PCDHA1: variants seen among roughly 807,000 people sequenced by gnomAD.
The protein encoded by PCDHA1 is protocadherin alpha-1.
In PCDHA1, 42 loss-of-function variants were observed where a neutral mutation model predicts 61.3. That is an observed-to-expected ratio of 0.69 (90% CI 0.54 to 0.89). PCDHA1 has a LOEUF of 0.89. Among genes scored for constraint, PCDHA1 ranks in the 40% least tolerant of loss-of-function variants. The pLI is 0.00. For synonymous variants in PCDHA1, 610 were observed against 553.8 expected, an observed-to-expected ratio of 1.10 and a Z score of -1.43; for missense variants, 1,256 against 1,235.3, an observed-to-expected ratio of 1.02 and a Z score of -0.25.
At chr5:140,948,321 T>C (rs922752818) in intron 1 of PCDHA1, among the ~76,000 whole-genome samples, 7 of 151,748 alleles carry the variant, frequency 4.6e-5, no homozygotes, top group South Asian at 4.1e-4. Flanking sequence ...AGGGGTAATG[T>C]TTTCATTAGG....
At chr5:140,823,147 C>T in intron 1 of PCDHA1, 1 of 1,614,004 alleles carries the variant, frequency 6.2e-7, no homozygotes, top group Non-Finnish European at 8.5e-7. Flanking sequence ...CGCGCAGCCC[C>T]AGTATACCGT....
intron 1 of PCDHA1, chr5:140,824,256 C>T (rs1554129826): frequency 7.4e-7 from 1 of 1,360,360 alleles, no homozygotes; most frequent in Non-Finnish European, 1.0e-6. Context: ...ACAATTATTG[C>T]ACTAATTCAT....
At chr5:140,999,551 G>C (rs1189671768) in intron 3 of PCDHA1, among the ~76,000 whole-genome samples, 3 of 152,088 alleles carry the variant, frequency 2.0e-5, no homozygotes, top group East Asian at 1.9e-4. Context: ...CAATGAAGAG[G>C]GGGTATTTTG....
chr5:140,916,621 C>T (rs1031371866), intron 1 of PCDHA1, among the ~76,000 whole-genome samples: 8 of 152,200 alleles, frequency 5.3e-5, no homozygotes, highest in Non-Finnish European at 1.2e-4. Flanking sequence ...TGACTCTACT[C>T]AATGCCCTAT....
chr5:140,809,057 G>T, intron 1 of PCDHA1: 1 of 1,613,890 alleles, frequency 6.2e-7, no homozygotes, highest in Non-Finnish European at 8.5e-7. Flanking sequence ...CCCGTTCCGC[G>T]TGGGGCTGTA....
chr5:140,910,324 T>C (rs2074979860), intron 1 of PCDHA1, among the ~76,000 whole-genome samples: 3 of 152,220 alleles, frequency 2.0e-5, no homozygotes, highest in Non-Finnish European at 4.4e-5. Flanking sequence ...AGTCAGACTA[T>C]TGTGATTGCT....
intron 1 of PCDHA1, chr5:140,836,636 C>A (rs2150266431): frequency 5.6e-6 from 9 of 1,613,404 alleles, no homozygotes; most frequent in Admixed American, 3.3e-5. Context: ...GGTCATTCTC[C>A]CAGCAGAGGC....
intron 1 of PCDHA1, among the ~76,000 whole-genome samples, chr5:140,934,619 C>G (rs1403192448): frequency 1.3e-5 from 2 of 152,028 alleles, no homozygotes; most frequent in Non-Finnish European, 2.9e-5. Flanking sequence ...GCCTGAGGTA[C>G]AGTTCACACA....
chr5:140,994,962 T>C (rs2097657475), intron 3 of PCDHA1, among the ~76,000 whole-genome samples: 2 of 152,208 alleles, frequency 1.3e-5, no homozygotes, highest in Admixed American at 1.3e-4. Flanking sequence ...TGTAGTTTCA[T>C]TTGTTGGCCA....
intron 1 of PCDHA1, among the ~76,000 whole-genome samples, chr5:140,826,378 T>A (rs1768925032): frequency 6.6e-6 from 1 of 152,174 alleles, no homozygotes; most frequent in South Asian, 2.1e-4. Flanking sequence ...AGAAAGTCAG[T>A]GATAAGAACT....
At chr5:140,854,380 A>G (rs2043104788) in intron 1 of PCDHA1, 1 of 155,922 alleles carries the variant, frequency 6.4e-6, no homozygotes, top group African/African-American at 2.4e-5. Context: ...TACATAACTC[A>G]TTACATTTTA....
intron 1 of PCDHA1, chr5:140,854,192 T>C: frequency 3.9e-6 from 2 of 506,570 alleles, no homozygotes; most frequent in Non-Finnish European, 5.1e-6. Flanking sequence ...GTTTAACTAC[T>C]CCCTACTTTT....
At chr5:140,904,270 G>A (rs374052783) in intron 1 of PCDHA1, among the ~76,000 whole-genome samples, 3 of 152,068 alleles carry the variant, frequency 2.0e-5, no homozygotes, top group East Asian at 3.9e-4. Context: ...ACTTATGAAT[G>A]AGAACATGTG....
intron 1 of PCDHA1, among the ~76,000 whole-genome samples, chr5:140,900,317 G>A (rs188830675): frequency 3.3e-4 from 50 of 151,512 alleles, no homozygotes; most frequent in Non-Finnish European, 6.2e-4. Context: ...CACTTTTGTC[G>A]CCCAGGCTGG....
intron 1 of PCDHA1, among the ~76,000 whole-genome samples, chr5:140,917,362 A>G (rs552053034): frequency 2.2e-4 from 32 of 142,394 alleles, no homozygotes; most frequent in Admixed American, 1.7e-3. Flanking sequence ...CTGTTCCACT[A>G]TCTTGCTCCA....
At chr5:140,858,375 C>T (rs1252920038) in intron 1 of PCDHA1, 4 of 1,587,834 alleles carry the variant, frequency 2.5e-6, no homozygotes, top group Non-Finnish European at 3.4e-6. Flanking sequence ...AGCCTTCCAC[C>T]ATGCCCAATG....
chr5:140,953,100 A>G (rs1343351624), intron 1 of PCDHA1, among the ~76,000 whole-genome samples: 1 of 152,162 alleles, frequency 6.6e-6, no homozygotes, highest in Admixed American at 6.5e-5. Flanking sequence ...TTGACATGAG[A>G]TTTGGGCAGG....
At chr5:140,962,319 T>A (rs1585921663) in intron 1 of PCDHA1, among the ~76,000 whole-genome samples, 1 of 152,226 alleles carries the variant, frequency 6.6e-6, no homozygotes, top group Admixed American at 6.5e-5. Context: ...GCCATCTCAA[T>A]TGAGAATACT....
chr5:140,838,638 C>T (rs1775813369), intron 1 of PCDHA1, among the ~76,000 whole-genome samples: 1 of 151,758 alleles, frequency 6.6e-6, no homozygotes, highest in Non-Finnish European at 1.5e-5. Flanking sequence ...TTTGGTTGGT[C>T]AAAAAAATGA....
Sources: allele counts gnomAD v4.1 joint callset (sites outside exome capture counted in the v4.1 genomes callset), GRCh38; gene constraint gnomAD v4.1.1; transcripts MANE v1.5; gene names NCBI Gene and HGNC (gene_info 2026-07-23, HGNC 2026-07-21).